Variants in ARSG observed in about 807,000 individuals in gnomAD.
The protein encoded by ARSG is arylsulfatase G.
ARSG carries 37 observed loss-of-function variants against 50.5 expected under a neutral mutation model. The ratio of observed to expected loss-of-function variants is 0.73; its 90% CI spans 0.56 to 0.96. The LOEUF is 0.96. Among genes scored for constraint, ARSG ranks in the 50% least tolerant of loss-of-function variants. ARSG has a pLI of 0.00. For missense variants in ARSG, 629 were observed against 675.3 expected, an observed-to-expected ratio of 0.93 and a Z score of 0.76; for synonymous variants, 225 against 254.6, an observed-to-expected ratio of 0.88 and a Z score of 1.11.
chr17:68,303,404 C>T (rs2076492892), intron 1 of ARSG, among the ~76,000 whole-genome samples: 1 of 152,146 alleles, frequency 6.6e-6, no homozygotes, highest in Admixed American at 6.6e-5. Flanking sequence ...GGATTACAGG[C>T]ATGAGCCACT....
intron 6 of ARSG, among the ~76,000 whole-genome samples, chr17:68,363,259 C>T (rs1004493001): frequency 6.6e-6 from 1 of 152,030 alleles, no homozygotes; most frequent in Non-Finnish European, 1.5e-5. Flanking sequence ...GGCAAGATAA[C>T]AGGGAGAATA....
chr17:68,271,879 C>T lies in ARSG; in HGVS notation c.-552+12453C>T, dbSNP rs1216067960. Among the ~76,000 whole-genome samples, 13 of 152,106 alleles carry T rather than the reference C, an allele frequency of 8.5e-5. No homozygotes were observed. Among genetic ancestry groups the T allele is most frequent in the African/African-American group, 2.4e-4 (10 of 41,422 alleles). On this transcript the variant is annotated intron_variant, in intron 1 of 11. Coordinates refer to the ARSG transcript ENST00000448504. This position sits in a 1 kb window ranked among gnomAD's most constrained non-coding sequence, Gnocchi z 5.3. ...GTGCAGTGGCCTGATCTCAGCTCAC[C>T]GCAACCTCCACCTCCCGGGTTCAAG...
At chr17:68,300,211 G>A (rs1297791183) in intron 1 of ARSG, among the ~76,000 whole-genome samples, 11 of 152,156 alleles carry the variant, frequency 7.2e-5, no homozygotes, top group Admixed American at 1.3e-4. Context: ...CTCCCAAAGC[G>A]CTGGGATTAC....
At chr17:68,339,159 C>A (rs555192866) in intron 2 of ARSG, among the ~76,000 whole-genome samples, 2 of 151,968 alleles carry the variant, frequency 1.3e-5, no homozygotes, top group Admixed American at 6.6e-5. Context: ...CGTGGTGGCG[C>A]GTGCCTGTAG....
chr17:68,263,518 T>G (rs548719355), intron 1 of ARSG, among the ~76,000 whole-genome samples: 3 of 152,360 alleles, frequency 2.0e-5, no homozygotes, highest in Non-Finnish European at 2.9e-5. Flanking sequence ...TTGCCAAGGC[T>G]GTGTGCAGTG....
At chr17:68,412,885 T>C (rs2082095030) in intron 11 of ARSG, among the ~76,000 whole-genome samples, 1 of 152,204 alleles carries the variant, frequency 6.6e-6, no homozygotes, top group Non-Finnish European at 1.5e-5. Flanking sequence ...CTTCCATCGC[T>C]GATACCCTTT....
intron 7 of ARSG, among the ~76,000 whole-genome samples, chr17:68,369,387 A>G (rs887040325): frequency 6.6e-6 from 1 of 152,194 alleles, no homozygotes; most frequent in Non-Finnish European, 1.5e-5. Flanking sequence ...TAAAAGTACA[A>G]AAATTATCTG....
intron 3 of ARSG, among the ~76,000 whole-genome samples, 169 bp downstream of exon 3, chr17:68,343,960 T>C (rs1255967288): frequency 6.6e-6 from 1 of 152,248 alleles, no homozygotes; most frequent in African/African-American, 2.4e-5. Flanking sequence ...AATTAAAACA[T>C]ACATGGAGCT....
At chr17:68,349,492 C>T (rs903124829) in intron 4 of ARSG, among the ~76,000 whole-genome samples, 2 of 152,134 alleles carry the variant, frequency 1.3e-5, no homozygotes, top group African/African-American at 4.8e-5. Flanking sequence ...ATCCTGATAC[C>T]AGATGCAGTA....
chr17:68,427,977 C>G, the ARSG span, among the ~76,000 whole-genome samples: 4 of 151,862 alleles, frequency 2.6e-5, no homozygotes, highest in African/African-American at 4.8e-5. Context: ...GCAGTCTTGA[C>G]CTTCCTGGGC....
chr17:68,394,937 A>C lies in ARSG; in HGVS notation c.1092-136A>C, dbSNP rs892832134. On this transcript the variant is annotated intron_variant, in intron 9 of 11. Transcript: ENST00000621439. ...GGTGGAACTGAAAGGAAAAACAAGC[A>C]GGTAGAGAAGTTAAGCCAGCCCATA... 4.1e-6 allele frequency: 5 copies of C among 1,224,238 alleles called. No homozygotes were observed. In the African/African-American group the frequency reaches 7.6e-5, roughly 19 times the overall value. 75.8% of individuals were successfully genotyped at this position (1,224,238 alleles called of 1,614,324 possible).
chr17:68,304,709 A>G (rs1413751543), intron 1 of ARSG, among the ~76,000 whole-genome samples: 1 of 152,222 alleles, frequency 6.6e-6, no homozygotes, highest in Non-Finnish European at 1.5e-5. Flanking sequence ...TAGATTTAAA[A>G]AATACAGATA....
rs140229136 is a variant in ARSG at position 68,260,584 on chromosome 17, G to C, written c.-552+1158G>C. Reference sequence around the variant, plus strand: ...CTCACTGGAGCCTCCACCTCCCGTGGTCAAGTGGTCCTCCCACCTCAGCCT... The same window carrying C: ...CTCACTGGAGCCTCCACCTCCCGTGCTCAAGTGGTCCTCCCACCTCAGCCT... On this transcript the variant is annotated intron_variant, in intron 1 of 11. Transcript: ENST00000448504. Among the ~76,000 whole-genome samples, 1,509 of 152,214 alleles carry C rather than the reference G, an allele frequency of 9.9e-3. 6 individuals are homozygous for C. The highest frequency in any genetic ancestry group is 0.017 in the Non-Finnish European group (1,150 of 67,994).
intron 1 of ARSG, among the ~76,000 whole-genome samples, chr17:68,281,687 G>A (rs1343553276): frequency 1.3e-5 from 2 of 152,074 alleles, no homozygotes; most frequent in Non-Finnish European, 2.9e-5. Flanking sequence ...AAATCATTAC[G>A]GAAATCCAAA....
chr17:68,342,813 T>C (rs150609236), intron 2 of ARSG, among the ~76,000 whole-genome samples: 1 of 152,098 alleles, frequency 6.6e-6, no homozygotes, highest in African/African-American at 2.4e-5. Context: ...CTAAATACAC[T>C]GTGAGGACAT....
chr17:68,435,805 C>T, the ARSG span: 1 of 1,162,206 alleles, frequency 8.6e-7, no homozygotes, highest in Non-Finnish European at 1.3e-6. Context: ...CTTTCTCCCT[C>T]CTTTGTCCAG....
At chr17:68,441,585 G>A in the ARSG span, among the ~76,000 whole-genome samples, 7 of 152,158 alleles carry the variant, frequency 4.6e-5, no homozygotes, top group Non-Finnish European at 7.4e-5. Context: ...GAAGGTTCCC[G>A]AGTGAGGACC....
At chr17:68,287,565 A>G (rs1437586665), upstream of ARSG, among the ~76,000 whole-genome samples, 1 of 152,124 alleles carries the variant, frequency 6.6e-6, no homozygotes, top group Non-Finnish European at 1.5e-5. Context: ...ATTCTACTCT[A>G]GCTAGAGCCA....
downstream of ARSG, among the ~76,000 whole-genome samples, chr17:68,423,834 C>T (rs1018635785): frequency 6.6e-6 from 1 of 152,130 alleles, no homozygotes; most frequent in Non-Finnish European, 1.5e-5. This position sits in a 1 kb window ranked among gnomAD's most constrained non-coding sequence, Gnocchi z 4.4. Context: ...TCCACATTAC[C>T]CCAATTCTGT....
Sources: allele counts gnomAD v4.1 joint callset (sites outside exome capture counted in the v4.1 genomes callset), GRCh38; gene constraint gnomAD v4.1.1; non-coding constraint Gnocchi (gnomAD v3.1); transcripts MANE v1.5; gene names NCBI Gene and HGNC (gene_info 2026-07-23, HGNC 2026-07-21).